DAAM2: variants seen among roughly 807,000 people sequenced by gnomAD.
The protein encoded by DAAM2 is dishevelled associated activator of morphogenesis 2.
Under a neutral mutation model 120.7 loss-of-function variants are expected in DAAM2, and 39 were observed. That is an observed-to-expected ratio of 0.32 (90% CI 0.25 to 0.42). DAAM2 has a LOEUF of 0.42. Ranked by LOEUF, DAAM2 falls within the 10% of genes least tolerant of loss-of-function variation. The probability of loss-of-function intolerance (pLI) is 1.00; values close to 1 mark genes in which losing one functional copy is unlikely to be tolerated. For missense variants in DAAM2, 1,283 were observed against 1,401.7 expected (o/e 0.92, Z 1.35); for synonymous variants, 488 against 524.9 (o/e 0.93, Z 0.96).
At chr6:39,826,345 T>C (rs916082758) in intron 1 of DAAM2, among the ~76,000 whole-genome samples, 25 of 152,136 alleles carry the variant, frequency 1.6e-4, no homozygotes, top group African/African-American at 4.6e-4. Context: ...TACTTTGTCA[T>C]TCACAGCACA....
At chr6:39,806,706 G>T (rs74873751) in intron 1 of DAAM2, among the ~76,000 whole-genome samples, 4 of 152,196 alleles carry the variant, frequency 2.6e-5, no homozygotes, top group African/African-American at 9.6e-5. Flanking sequence ...CTTAAAGCAT[G>T]TAAATGTAAT....
chr6:39,867,978 G>C lies in DAAM2; in HGVS notation c.762+135G>C, dbSNP rs573910936. 15 of 773,488 alleles carry C rather than the reference G, an allele frequency of 1.9e-5. No homozygotes were observed. In the Admixed American group the frequency reaches 3.0e-4, roughly 16 times the overall value. 47.9% of individuals were successfully genotyped at this position (773,488 alleles called of 1,614,324 possible). A position where few individuals can be genotyped will look rare whatever the true frequency, so the allele number is the denominator to read the frequency against. Reference sequence around the variant, plus strand: ...AATGTGGTCTGCATGCCTGCTCCTGGAAGGTAACAGGTGAAGAGTACTGGG... The same window carrying C: ...AATGTGGTCTGCATGCCTGCTCCTGCAAGGTAACAGGTGAAGAGTACTGGG... On this transcript the variant is annotated intron_variant, in intron 6 of 24. Coordinates refer to ENST00000274867, the MANE Select transcript of DAAM2 (RefSeq NM_001201427.2).
At chr6:39,899,064 TC>T (rs1766309816) in intron 22 of DAAM2, 127 bp downstream of exon 22, 1 of 714,100 alleles carries the variant, frequency 1.4e-6, no homozygotes, top group African/African-American at 1.8e-5. Context: ...GGGTCAGCCC[TC>T]CCAAAGGATA....
chr6:39,801,324 T>C (rs1325536242), intron 1 of DAAM2, among the ~76,000 whole-genome samples: 1 of 152,136 alleles, frequency 6.6e-6, no homozygotes, highest in Non-Finnish European at 1.5e-5. Flanking sequence ...GTGAATGTCT[T>C]GACTTTTATT....
chr6:39,871,466 G>A (rs1395194853), intron 8 of DAAM2, 40 bp from the exon 9 acceptor site: 2 of 1,531,298 alleles, frequency 1.3e-6, no homozygotes, highest in Non-Finnish European at 1.8e-6. Flanking sequence ...GTGTGTCCTG[G>A]CTGTAATGTC....
chr6:39,859,759 G>A (rs1764138824), intron 2 of DAAM2, among the ~76,000 whole-genome samples: 1 of 152,078 alleles, frequency 6.6e-6, no homozygotes. Context: ...ATTTTTTAAT[G>A]TGACTAGAAA....
In DAAM2 at chr6:39,868,919, G is replaced by C. The variant is rs1399925142; in HGVS notation, c.859G>C (p.Ala287Pro). 1 of 1,575,978 alleles carries C rather than the reference G, an allele frequency of 6.3e-7. No homozygotes were observed. Among genetic ancestry groups the C allele is most frequent in the Admixed American group, 1.8e-5 (1 of 54,268 alleles). The change falls in exon 7 of 25, where the codon GCT becomes CCT. Residue 287 changes from alanine (A) to proline (P), a missense_variant. Ala to Pro is a conservative substitution (Grantham distance 27). Coordinates refer to ENST00000274867, the MANE Select transcript of DAAM2 (RefSeq NM_001201427.2). ...GTCCTTCATCAATGCTGTCCTCAATGCTGGAGCTGGAGAGGTGGGGTGCCT... is the reference window on the plus strand; with the variant it reads ...GTCCTTCATCAATGCTGTCCTCAATCCTGGAGCTGGAGAGGTGGGGTGCCT... Reference protein sequence around the residue: ...IMSFINAVLNAGAGEDNLEFR... With the variant: ...IMSFINAVLNPGAGEDNLEFR...
intron 15 of DAAM2, 175 bp downstream of exon 15, chr6:39,884,244 T>G: frequency 1.8e-6 from 1 of 562,072 alleles, no homozygotes. Context: ...TGAATGATTT[T>G]ATTCTTTATG....
intron 2 of DAAM2, among the ~76,000 whole-genome samples, chr6:39,856,789 A>G (rs943574641): frequency 1.3e-4 from 20 of 152,316 alleles, no homozygotes; most frequent in Middle Eastern, 3.4e-3. Context: ...AGACATCTCA[A>G]AGAACATCAG....
At chr6:39,806,609 G>A (rs759304636) in intron 1 of DAAM2, among the ~76,000 whole-genome samples, 1 of 152,162 alleles carries the variant, frequency 6.6e-6, no homozygotes, top group Non-Finnish European at 1.5e-5. Flanking sequence ...GGATGCAAAA[G>A]GGAGTCTTCC....
intron 1 of DAAM2, among the ~76,000 whole-genome samples, chr6:39,824,365 G>T (rs1371347671): frequency 6.6e-6 from 1 of 152,186 alleles, no homozygotes; most frequent in African/African-American, 2.4e-5. Flanking sequence ...CCTGTTGGTT[G>T]CTGTGGCATC....
At chr6:39,838,594 G>A (rs1763198351) in intron 1 of DAAM2, among the ~76,000 whole-genome samples, 1 of 152,164 alleles carries the variant, frequency 6.6e-6, no homozygotes, top group Non-Finnish European at 1.5e-5. Context: ...GAGCCCAGAA[G>A]AGTGACCAAC....
At chr6:39,875,632 G>A (rs1764839805) in intron 11 of DAAM2, among the ~76,000 whole-genome samples, 164 bp downstream of exon 11, 1 of 152,192 alleles carries the variant, frequency 6.6e-6, no homozygotes, top group Admixed American at 6.5e-5. Flanking sequence ...TGAAAAAAGT[G>A]CATTTCTCTA....
intron 15 of DAAM2, 65 bp from the exon 16 acceptor site, chr6:39,887,421 G>A: frequency 2.6e-6 from 3 of 1,173,434 alleles, no homozygotes; most frequent in South Asian, 1.3e-5. Context: ...TGGCTCTTGC[G>A]GGGCGGGTAA....
At chr6:39,891,891 T>C (rs7760703) in intron 19 of DAAM2, 169 bp downstream of exon 19, 51,441 of 620,082 alleles carry the variant, frequency 0.083, 3,246 homozygotes, top group African/African-American at 0.24. Flanking sequence ...TATAAAAATA[T>C]GCACTTGCTT....
chr6:39,831,969 G>A (rs1297449258), intron 1 of DAAM2, among the ~76,000 whole-genome samples: 1 of 129,904 alleles, frequency 7.7e-6, no homozygotes, highest in Non-Finnish European at 1.7e-5. Flanking sequence ...TGCACTGGGG[G>A]GGTAGGTGCA....
chr6:39,852,520 C>T (rs796116699), intron 1 of DAAM2, among the ~76,000 whole-genome samples: 28 of 152,344 alleles, frequency 1.8e-4, no homozygotes, highest in Admixed American at 2.0e-4. Flanking sequence ...CCTGGAGAAG[C>T]GCTGAGGCTT....
intron 10 of DAAM2, among the ~76,000 whole-genome samples, chr6:39,874,431 G>A (rs1764787041): frequency 6.6e-6 from 1 of 152,192 alleles, no homozygotes; most frequent in South Asian, 2.1e-4. Context: ...ATTGCAGCAG[G>A]TCTTCATGAA....
chr6:39,858,508 T>C (rs921573283), intron 2 of DAAM2, among the ~76,000 whole-genome samples: 11 of 152,126 alleles, frequency 7.2e-5, no homozygotes, highest in Non-Finnish European at 1.5e-4. Context: ...TGGATGGATA[T>C]TGGGGCCCTG....
Sources: allele counts gnomAD v4.1 joint callset (sites outside exome capture counted in the v4.1 genomes callset), GRCh38; gene constraint gnomAD v4.1.1; transcripts MANE v1.5; gene names NCBI Gene and HGNC (gene_info 2026-07-23, HGNC 2026-07-21).